The following STK35 variants were observed in gnomAD, a reference collection of about 807,000 sequenced individuals.
STK35 encodes the protein serine/threonine-protein kinase 35.
Under a neutral mutation model 37.3 loss-of-function variants are expected in STK35, and 17 were observed. The ratio of observed to expected loss-of-function variants is 0.46; its 90% CI spans 0.31 to 0.68. The LOEUF is 0.68. STK35 is among the 30% of genes least tolerant of loss of function. The pLI is 0.05. For synonymous variants in STK35, 385 were observed against 319.1 expected (o/e 1.21, Z -2.20); for missense variants, 595 against 746.7 (o/e 0.80, Z 2.37).
intron 2 of STK35, among the ~76,000 whole-genome samples, chr20:2,110,875 A>G (rs1263389334): frequency 6.6e-6 from 1 of 152,216 alleles, no homozygotes; most frequent in Non-Finnish European, 1.5e-5. Flanking sequence ...AGGCAGTCAC[A>G]GTGCTTCTGC....
chr20:2,132,896 C>A (rs1325493679), intron 3 of STK35, among the ~76,000 whole-genome samples: 1 of 152,216 alleles, frequency 6.6e-6, no homozygotes, highest in Non-Finnish European at 1.5e-5. Flanking sequence ...AAGTGTTGCT[C>A]ACTGTAGGCT....
Position 2,136,024 on chromosome 20 carries a change from C to G in STK35, c.*38-7760C>G, listed in dbSNP as rs74536292. Among the ~76,000 whole-genome samples the G allele has an allele frequency of 8.6e-3, 1,315 of 152,284 alleles. 20 individuals are homozygous for G. Among genetic ancestry groups the G allele is most frequent in the African/African-American group, 0.03 (1,227 of 41,546 alleles). ...AAAAAGCCATCTTGGGAAGTCCATACTTTCAGACTAAACCATAGTGCTCCA... is the reference window on the plus strand; with the variant it reads ...AAAAAGCCATCTTGGGAAGTCCATAGTTTCAGACTAAACCATAGTGCTCCA... On this transcript the variant is annotated intron_variant, in intron 3 of 3. Transcript: ENST00000381482.
At chr20:2,107,814 A>C (rs879301387) in intron 2 of STK35, among the ~76,000 whole-genome samples, 1 of 152,130 alleles carries the variant, frequency 6.6e-6, no homozygotes, top group African/African-American at 2.4e-5. Flanking sequence ...TGGGTCTCAG[A>C]GTTTAGAGAG....
chr20:2,140,275 C>T (rs936371773), intron 3 of STK35, among the ~76,000 whole-genome samples: 1 of 152,014 alleles, frequency 6.6e-6, no homozygotes, highest in Non-Finnish European at 1.5e-5. Context: ...AGAAGAGCCC[C>T]GGTAGAAGCT....
intron 3 of STK35, among the ~76,000 whole-genome samples, chr20:2,135,250 C>A (rs950446260): frequency 1.2e-4 from 19 of 152,146 alleles, no homozygotes; most frequent in African/African-American, 4.1e-4. Context: ...TCAGAGAATC[C>A]GTGGGACTGG....
chr20:2,129,497 T>A (rs1376140659), intron 3 of STK35, among the ~76,000 whole-genome samples: 1 of 151,852 alleles, frequency 6.6e-6, no homozygotes, highest in Non-Finnish European at 1.5e-5. Context: ...CTCATGTGTT[T>A]CCCCCTCCCC....
chr20:2,121,617 A>G (rs952306763), intron 3 of STK35, among the ~76,000 whole-genome samples: 1 of 152,212 alleles, frequency 6.6e-6, no homozygotes, highest in African/African-American at 2.4e-5. Context: ...GCCTAGAGAT[A>G]CAAATTTAGA....
chr20:2,121,188 G>A (rs1252994664), intron 3 of STK35, among the ~76,000 whole-genome samples: 1 of 152,182 alleles, frequency 6.6e-6, no homozygotes, highest in Non-Finnish European at 1.5e-5. Context: ...CCATGGGGAT[G>A]TTTTCAGCTG....
chr20:2,134,101 AG>A (rs1294445344), intron 3 of STK35, among the ~76,000 whole-genome samples: 1 of 152,178 alleles, frequency 6.6e-6, no homozygotes, highest in East Asian at 1.9e-4. Context: ...TCCACTTGAA[AG>A]GGGAGTCTCA....
rs961975875 is a variant in STK35 at position 2,147,938 on chromosome 20, G to A, written c.*4192G>A. ...ACAACACGGGTGTATCTCTGATCCT[G>A]CCCTACCTAGGCTTCAAGGGGCTTC... On this transcript the variant is annotated 3_prime_UTR_variant, in exon 4 of 4. Transcript: ENST00000381482. The A allele has an allele frequency of 6.6e-6, 1 of 152,264 alleles. No individual in the cohort carries two copies. Among genetic ancestry groups the A allele is most frequent in the African/African-American group, 2.4e-5 (1 of 41,440 alleles). 9.4% of individuals were successfully genotyped at this position (152,264 alleles called of 1,614,324 possible). A position where few individuals can be genotyped will look rare whatever the true frequency, so the allele number is the denominator to read the frequency against.
Position 2,103,142 on chromosome 20 carries a change from C to T in STK35, c.669C>T (p.Arg223=). The T allele has an allele frequency of 1.2e-6, 2 of 1,604,882 alleles. No individual in the cohort carries two copies. Among genetic ancestry groups the T allele is most frequent in the South Asian group, 1.1e-5 (1 of 90,782 alleles). The part of the protein sequence containing the change: ...YGVVYEAVAG[R]SGARVAVKKI... The stretch of plus-strand genomic sequence containing the variant: ...TGGTTTATGAGGCAGTGGCCGGGCG[C>T]AGCGGGGCCCGGGTGGCGGTCAAGA... Residue 223 remains arginine (R), a synonymous_variant, in exon 2 of 4, where the codon CGC becomes CGT. Transcript: ENST00000381482.
chr20:2,122,658 C>T (rs1418611797), intron 3 of STK35, among the ~76,000 whole-genome samples: 1 of 152,078 alleles, frequency 6.6e-6, no homozygotes, highest in Non-Finnish European at 1.5e-5. Context: ...TCCTATATAT[C>T]TTATTGAGGT....
At position 2,117,496 on chromosome 20, in the gene STK35, G is replaced by T; in HGVS notation, c.*37+81G>T. On this transcript the variant is annotated intron_variant, in intron 3 of 3. Transcript: ENST00000381482. The surrounding 1 kb of genome is among the most constrained non-coding windows in gnomAD (Gnocchi z 4.4). ...TGTTGGTCAGGCTGGGGTGCAGCGG[G>T]TGCAGTGGCAGGATCTCAGCTCACT... 2 of 766,140 alleles carry T rather than the reference G, an allele frequency of 2.6e-6. No individual in the cohort carries two copies. The highest frequency in any genetic ancestry group is 4.1e-6 in the Non-Finnish European group (2 of 492,426). The allele number at this position is 766,140 out of a possible 1,614,324, so 47.5% of individuals were successfully genotyped here.
chr20:2,134,562 C>T (rs1339044894), intron 3 of STK35, among the ~76,000 whole-genome samples: 1 of 152,164 alleles, frequency 6.6e-6, no homozygotes, highest in Non-Finnish European at 1.5e-5. Flanking sequence ...ATGTTCCTTT[C>T]TCAGAACCTG....
At chr20:2,126,132 G>T (rs1985901195) in intron 3 of STK35, among the ~76,000 whole-genome samples, 1 of 152,164 alleles carries the variant, frequency 6.6e-6, no homozygotes, top group African/African-American at 2.4e-5. Flanking sequence ...CTTAAGCAAG[G>T]GATTCCGTCA....
intron 2 of STK35, among the ~76,000 whole-genome samples, chr20:2,113,890 T>A (rs1348207751): frequency 6.6e-6 from 1 of 152,192 alleles, no homozygotes; most frequent in Non-Finnish European, 1.5e-5. Context: ...CTCAGAGAGC[T>A]TCAGGGACTT....
At chr20:2,137,959 C>T (rs1342773694) in intron 3 of STK35, among the ~76,000 whole-genome samples, 1 of 152,196 alleles carries the variant, frequency 6.6e-6, no homozygotes, top group African/African-American at 2.4e-5. Flanking sequence ...GGCCTGCTTG[C>T]TCCACAGCAC....
At chr20:2,129,492 G>A (rs1985962454) in intron 3 of STK35, among the ~76,000 whole-genome samples, 1 of 152,146 alleles carries the variant, frequency 6.6e-6, no homozygotes, top group East Asian at 1.9e-4. Flanking sequence ...GCAGGCTCAT[G>A]TGTTTCCCCC....
At chr20:2,122,767 G>A (rs1396515545) in intron 3 of STK35, among the ~76,000 whole-genome samples, 1 of 152,180 alleles carries the variant, frequency 6.6e-6, no homozygotes, top group Non-Finnish European at 1.5e-5. Flanking sequence ...TTTGGCCTAG[G>A]TAGAAGTATT....
Sources: gnomAD v4.1 joint callset for allele counts (sites outside exome capture counted in the v4.1 genomes callset) on GRCh38, gnomAD v4.1.1 for gene constraint, Gnocchi (gnomAD v3.1) non-coding constraint, MANE v1.5 for transcripts, NCBI Gene and HGNC (gene_info 2026-07-23, HGNC 2026-07-21) for gene names.